RBFOX1: variants seen among roughly 807,000 people sequenced by gnomAD.
The protein encoded by RBFOX1 is RNA binding protein fox-1 homolog 1.
A neutral mutation model predicts 57.7 loss-of-function variants in RBFOX1; 8 were observed. The observed-to-expected ratio is 0.14, with a 90% CI of 0.08 to 0.25. RBFOX1 has a LOEUF of 0.25. Ranked by LOEUF, RBFOX1 falls within the 10% of genes least tolerant of loss-of-function variation. RBFOX1 has a pLI of 1.00. For synonymous variants in RBFOX1, 326 were observed against 222.4 expected, an observed-to-expected ratio of 1.47 and a Z score of -4.15; for missense variants, 611 against 548.5, an observed-to-expected ratio of 1.11 and a Z score of -1.14.
chr16:5,405,490 T>G (rs1423070114), intron 1 of RBFOX1, among the ~76,000 whole-genome samples: 1 of 152,234 alleles, frequency 6.6e-6, no homozygotes, highest in Non-Finnish European at 1.5e-5. Context: ...TGTGGAACTG[T>G]GAGTCCATTA....
chr16:6,969,410 A>C (rs945796695), intron 3 of RBFOX1, among the ~76,000 whole-genome samples: 1 of 150,272 alleles, frequency 6.7e-6, no homozygotes, highest in Non-Finnish European at 1.5e-5. Context: ...ATATTTCACA[A>C]TGAATAATTG....
chr16:7,472,095 T>G (rs1255127435), intron 4 of RBFOX1, among the ~76,000 whole-genome samples: 1 of 152,176 alleles, frequency 6.6e-6, no homozygotes, highest in Non-Finnish European at 1.5e-5. Context: ...TCCTGCCTGG[T>G]AGTTATCATT....
intron 4 of RBFOX1, among the ~76,000 whole-genome samples, chr16:7,466,333 G>C (rs2060511940): frequency 2.7e-5 from 1 of 37,620 alleles, no homozygotes; most frequent in African/African-American, 6.1e-5. Flanking sequence ...GTTAAGTTAA[G>C]TGAATGCTTA....
At chr16:5,564,837 A>C (rs1286493543) in intron 2 of RBFOX1, among the ~76,000 whole-genome samples, 3 of 152,196 alleles carry the variant, frequency 2.0e-5, no homozygotes, top group African/African-American at 7.2e-5. Context: ...GGTGGATGCC[A>C]TCATCGTGGC....
chr16:6,887,560 CT>C (rs141623429), intron 3 of RBFOX1, among the ~76,000 whole-genome samples: 35,748 of 150,478 alleles, frequency 0.24, 5,054 homozygotes, highest in Admixed American at 0.38. Context: ...AACACATATA[CT>C]TTTTTTTTTC....
intron 3 of RBFOX1, among the ~76,000 whole-genome samples, chr16:6,817,160 G>T (rs931478908): frequency 5.3e-5 from 8 of 152,126 alleles, no homozygotes; most frequent in Non-Finnish European, 1.2e-4. Flanking sequence ...AGTAAAGGCT[G>T]ATCCCTTGAC....
chr16:6,653,391 C>G (rs1197750244), intron 2 of RBFOX1, among the ~76,000 whole-genome samples: 1 of 152,132 alleles, frequency 6.6e-6, no homozygotes, highest in Non-Finnish European at 1.5e-5. Flanking sequence ...TCCTCCATGC[C>G]TAGTGCAAGG....
intron 1 of RBFOX1, among the ~76,000 whole-genome samples, chr16:5,458,125 CAAATT>C (rs566919170): frequency 6.6e-5 from 10 of 152,062 alleles, no homozygotes; most frequent in Non-Finnish European, 1.0e-4. Context: ...CAATGGATAT[CAAATT>C]AAATATTGCA....
At chr16:7,317,200 G>A (rs1216054813) in intron 4 of RBFOX1, among the ~76,000 whole-genome samples, 1 of 152,094 alleles carries the variant, frequency 6.6e-6, no homozygotes, top group Non-Finnish European at 1.5e-5. Context: ...ACGGCCAGGA[G>A]TAAAACGTTT....
intron 4 of RBFOX1, among the ~76,000 whole-genome samples, chr16:7,508,677 C>G (rs1050187422): frequency 6.6e-6 from 1 of 152,104 alleles, no homozygotes. Flanking sequence ...CCTTGTAGAG[C>G]TGGGAATTAA....
At chr16:6,949,548 T>C (rs9928571) in intron 3 of RBFOX1, among the ~76,000 whole-genome samples, 22,051 of 150,640 alleles carry the variant, frequency 0.15, 1,941 homozygotes, top group Non-Finnish European at 0.19. Flanking sequence ...GGTTTACTGA[T>C]GACGATCTTC....
At chr16:7,116,823 C>G (rs1018478879) in intron 4 of RBFOX1, among the ~76,000 whole-genome samples, 9 of 152,142 alleles carry the variant, frequency 5.9e-5, no homozygotes, top group Non-Finnish European at 1.0e-4. Context: ...ACAGCACACA[C>G]AGGACACAGA....
chr16:7,570,170 T>TC (rs2092627358), intron 5 of RBFOX1, among the ~76,000 whole-genome samples: 1 of 147,374 alleles, frequency 6.8e-6, no homozygotes, highest in South Asian at 2.1e-4. Context: ...TTACTTTTTT[T>TC]TTTTTTTTAA....
chr16:5,497,227 A>G (rs1052540483), intron 2 of RBFOX1, among the ~76,000 whole-genome samples: 1 of 151,822 alleles, frequency 6.6e-6, no homozygotes, highest in Non-Finnish European at 1.5e-5. Context: ...TTACTTTGCT[A>G]TTATTATCTT....
chr16:7,084,608 A>G (rs144915532), intron 4 of RBFOX1, among the ~76,000 whole-genome samples: 6 of 152,298 alleles, frequency 3.9e-5, no homozygotes, highest in African/African-American at 1.4e-4. Flanking sequence ...GGTATAAAGG[A>G]TTTCAGAGGT....
At chr16:6,195,016 T>C (rs942019257) in intron 1 of RBFOX1, among the ~76,000 whole-genome samples, 4 of 152,180 alleles carry the variant, frequency 2.6e-5, no homozygotes, top group South Asian at 2.1e-4. Context: ...GAAGTCTGCA[T>C]TACTCTAGGC....
chr16:7,246,667 A>G (rs796927605), intron 4 of RBFOX1, among the ~76,000 whole-genome samples: 7 of 126,740 alleles, frequency 5.5e-5, no homozygotes, highest in African/African-American at 2.3e-4. Context: ...ACTGAGTTTG[A>G]ATGCAATTAT....
intron 4 of RBFOX1, among the ~76,000 whole-genome samples, chr16:7,120,170 G>A (rs1480959227): frequency 5.3e-5 from 8 of 152,016 alleles, no homozygotes; most frequent in Admixed American, 5.3e-4. Flanking sequence ...CAAAATATAT[G>A]GTGGGAAGCG....
At chr16:5,440,497 C>A (rs79247332) in intron 1 of RBFOX1, among the ~76,000 whole-genome samples, 1 of 152,178 alleles carries the variant, frequency 6.6e-6, no homozygotes, top group Non-Finnish European at 1.5e-5. Context: ...TTTTGACTTG[C>A]ATTGGAGTTT....
Sources: gnomAD v4.1 joint callset for allele counts (sites outside exome capture counted in the v4.1 genomes callset) on GRCh38, gnomAD v4.1.1 for gene constraint, MANE v1.5 for transcripts, NCBI Gene and HGNC (gene_info 2026-07-23, HGNC 2026-07-21) for gene names.